SLC4A10: variants seen among roughly 807,000 people sequenced by gnomAD.
SLC4A10 encodes solute carrier family 4 member 10, also known as sodium-driven chloride bicarbonate exchanger.
A neutral mutation model predicts 137.7 loss-of-function variants in SLC4A10; 42 were observed. That is an observed-to-expected ratio of 0.30 (90% confidence interval 0.24 to 0.39). The LOEUF is 0.39. SLC4A10 is among the 10% of genes least tolerant of loss of function. The pLI is 1.00. For missense variants in SLC4A10, 925 were observed against 1,355.0 expected (o/e 0.68, Z 4.98); for synonymous variants, 474 against 464.1 (o/e 1.02, Z -0.27).
chr2:161,844,241 A>G (rs1382590012), intron 4 of SLC4A10, among the ~76,000 whole-genome samples: 2 of 152,156 alleles, frequency 1.3e-5, no homozygotes, highest in African/African-American at 4.8e-5. Flanking sequence ...TTATTACATC[A>G]GAACAATTTT....
intron 9 of SLC4A10, among the ~76,000 whole-genome samples, chr2:161,879,854 G>A (rs908688954): frequency 1.3e-5 from 2 of 151,990 alleles, no homozygotes; most frequent in African/African-American, 4.8e-5. Flanking sequence ...TTGGATGTGA[G>A]TTAAAGGTAC....
intron 11 of SLC4A10, 91 bp downstream of exon 11, chr2:161,894,916 T>C (rs919071028): frequency 8.0e-6 from 6 of 746,694 alleles, no homozygotes; most frequent in African/African-American, 7.6e-5. Flanking sequence ...TATTTATTTA[T>C]TTTATTATTA....
intron 1 of SLC4A10, among the ~76,000 whole-genome samples, chr2:161,690,916 T>C (rs1175258989): frequency 6.6e-6 from 1 of 152,082 alleles, no homozygotes; most frequent in African/African-American, 2.4e-5. Context: ...CAAACCTGCA[T>C]GTCCTGTACA....
At position 161,855,184 on chromosome 2, in the gene SLC4A10, T is replaced by C; in HGVS notation, c.577+54T>C. Reference sequence around the variant, plus strand: ...ATAGGTACAGCTAATTTTTTGTTACTCTCTTTTCCTTATAATTCAATATAC... The same window carrying C: ...ATAGGTACAGCTAATTTTTTGTTACCCTCTTTTCCTTATAATTCAATATAC... On this transcript the variant is annotated intron_variant, in intron 5 of 26. Transcript: ENST00000446997. 3 of 1,501,276 alleles carry C rather than the reference T, an allele frequency of 2.0e-6. No individual in the cohort carries two copies. The South Asian group carries it at 4.0e-5, about 20-fold the overall frequency. The allele number at this position is 1,501,276 out of a possible 1,614,324, so 93.0% of individuals were successfully genotyped here.
At chr2:161,862,826 G>A (rs776966419) in intron 5 of SLC4A10, 48 bp from the exon 6 acceptor site, 132 of 1,436,752 alleles carry the variant, frequency 9.2e-5, no homozygotes, top group Non-Finnish European at 1.2e-4. Context: ...GCTGGCACAC[G>A]TTCTAGAGGA....
At chr2:161,980,321 G>A (rs1700039385) in intron 26 of SLC4A10, among the ~76,000 whole-genome samples, 1 of 151,886 alleles carries the variant, frequency 6.6e-6, no homozygotes, top group Non-Finnish European at 1.5e-5. Context: ...CTAGGCTTAG[G>A]CTCTCTCATG....
intron 23 of SLC4A10, among the ~76,000 whole-genome samples, chr2:161,969,761 A>G (rs1159007222): frequency 1.3e-5 from 2 of 152,204 alleles, no homozygotes; most frequent in African/African-American, 4.8e-5. Flanking sequence ...GGATCATGAA[A>G]AAGGTCAAGA....
At chr2:161,900,789 A>G (rs570658296) in intron 11 of SLC4A10, 122 bp from the exon 12 acceptor site, 2 of 654,030 alleles carry the variant, frequency 3.1e-6, no homozygotes, top group Admixed American at 3.1e-5. Context: ...AAGTAAGTAC[A>G]GAGCCTGGGT....
At chr2:161,716,722 T>C (rs2044936937) in intron 1 of SLC4A10, among the ~76,000 whole-genome samples, 1 of 152,152 alleles carries the variant, frequency 6.6e-6, no homozygotes, top group Non-Finnish European at 1.5e-5. Flanking sequence ...TGTAGTACAG[T>C]TTGAAGTTGG....
chr2:161,702,604 G>A (rs2043240672), intron 1 of SLC4A10, among the ~76,000 whole-genome samples: 2 of 151,770 alleles, frequency 1.3e-5, no homozygotes, highest in Admixed American at 1.3e-4. Context: ...ACAAAAATCT[G>A]TCTTTCTGTT....
chr2:161,711,611 A>G (rs1484453627), intron 1 of SLC4A10, among the ~76,000 whole-genome samples: 2 of 151,780 alleles, frequency 1.3e-5, no homozygotes, highest in Non-Finnish European at 2.9e-5. Flanking sequence ...TTTCCCCAGA[A>G]TCCCAAACTG....
rs1456596520 is a variant in SLC4A10 at position 161,810,103 on chromosome 2, A to G, written c.277+5508A>G. Among the ~76,000 whole-genome samples the G allele has an allele frequency of 3.3e-5, 5 of 151,866 alleles. No homozygotes were observed. In the East Asian group the frequency reaches 9.7e-4, roughly 29 times the overall value. On this transcript the variant is annotated intron_variant, in intron 3 of 26. Coordinates refer to ENST00000446997, the MANE Select transcript of SLC4A10 (RefSeq NM_001178015.2). ...GTAGAAATCTTTCACCTCTTTGGTT[A>G]GATGTATTACATTTTTTTGTGTGCC...
chr2:161,953,822 T>C (rs938997257), intron 19 of SLC4A10, among the ~76,000 whole-genome samples: 2 of 152,210 alleles, frequency 1.3e-5, no homozygotes, highest in Non-Finnish European at 2.9e-5. Flanking sequence ...ATGTATATTA[T>C]ACATAAATGT....
chr2:161,843,816 ATATTT>A (rs1442936610), intron 4 of SLC4A10, among the ~76,000 whole-genome samples: 1 of 152,168 alleles, frequency 6.6e-6, no homozygotes, highest in Non-Finnish European at 1.5e-5. Flanking sequence ...AAACAAAAAG[ATATTT>A]TATCAGCTCA....
chr2:161,979,616 A>G (rs1261193472), intron 26 of SLC4A10, among the ~76,000 whole-genome samples: 1 of 152,168 alleles, frequency 6.6e-6, no homozygotes, highest in Admixed American at 6.5e-5. Flanking sequence ...GAATTCTAAA[A>G]CTACTGATAC....
intron 2 of SLC4A10, among the ~76,000 whole-genome samples, chr2:161,777,364 A>G (rs2052475101): frequency 6.6e-6 from 1 of 151,868 alleles, no homozygotes. Flanking sequence ...AGTTTGATAC[A>G]GTTCATTTTG....
At chr2:161,852,913 C>A (rs2059910736) in intron 4 of SLC4A10, among the ~76,000 whole-genome samples, 1 of 152,142 alleles carries the variant, frequency 6.6e-6, no homozygotes, top group South Asian at 2.1e-4. Flanking sequence ...CCTTTTATTA[C>A]ATGGTGGTTT....
Position 161,923,066 on chromosome 2 carries a change from C to T in SLC4A10, c.1997+17179C>T, listed in dbSNP as rs577485749. Among the ~76,000 whole-genome samples the T allele has an allele frequency of 3.3e-5, 5 of 152,262 alleles. No homozygotes were observed. The East Asian group carries it at 5.8e-4, about 18-fold the overall frequency. On this transcript the variant is annotated intron_variant, in intron 15 of 26. Transcript: ENST00000446997. ...CAAATTATGTTTTCCAGAAGACAGC[C>T]GCAGGCTCTTCTTGTGTAAGGAAGA... is the stretch of plus-strand genomic sequence containing the variant.
intron 21 of SLC4A10, among the ~76,000 whole-genome samples, chr2:161,962,205 G>T (rs527261565): frequency 2.6e-5 from 4 of 152,228 alleles, no homozygotes; most frequent in African/African-American, 4.8e-5. Flanking sequence ...GTGAAACATG[G>T]CAGAAAAAAC....
Sources: gnomAD v4.1 joint callset for allele counts (sites outside exome capture counted in the v4.1 genomes callset) on GRCh38, gnomAD v4.1.1 for gene constraint, MANE v1.5 for transcripts, NCBI Gene and HGNC (gene_info 2026-07-23, HGNC 2026-07-21) for gene names.